SLC5A1: variants seen among roughly 807,000 people sequenced by gnomAD.
The protein encoded by SLC5A1 is solute carrier family 5 member 1, also known as sodium/glucose cotransporter 1.
SLC5A1 carries 42 observed loss-of-function variants against 73.5 expected under a neutral mutation model. The ratio of observed to expected loss-of-function variants is 0.57; its 90% CI spans 0.45 to 0.74. SLC5A1 has a LOEUF of 0.74. Ranked by LOEUF, SLC5A1 falls within the 30% of genes least tolerant of loss-of-function variation. The probability of loss-of-function intolerance (pLI) is 0.00; values close to 1 mark genes in which losing one functional copy is unlikely to be tolerated. For synonymous variants in SLC5A1, 300 were observed against 317.4 expected, an observed-to-expected ratio of 0.95 and a Z score of 0.58; for missense variants, 634 against 855.4, an observed-to-expected ratio of 0.74 and a Z score of 3.23.
chr22:32,090,563 A>G (rs2094015483), intron 10 of SLC5A1, among the ~76,000 whole-genome samples: 1 of 152,046 alleles, frequency 6.6e-6, no homozygotes, highest in African/African-American at 2.4e-5. Flanking sequence ...TTATCCACTT[A>G]TCATTTGGTG....
chr22:32,082,208 T>G (rs12159428), intron 6 of SLC5A1, among the ~76,000 whole-genome samples: 11,539 of 152,140 alleles, frequency 0.076, 846 homozygotes, highest in African/African-American at 0.19. Flanking sequence ...CAGGAGTGCA[T>G]GCAGAGCTGG....
At chr22:32,099,578 A>G (rs1211836986) in intron 12 of SLC5A1, among the ~76,000 whole-genome samples, 1 of 151,830 alleles carries the variant, frequency 6.6e-6, no homozygotes, top group Non-Finnish European at 1.5e-5. Context: ...TCCTCTGTCC[A>G]AGATTAGATT....
rs2094059628 is a variant in SLC5A1 at position 32,112,772 on chromosome 22, G to A, written c.*2559G>A. 1 of 152,036 alleles carries A rather than the reference G, an allele frequency of 6.6e-6. No individual in the cohort carries two copies. Among genetic ancestry groups the A allele is most frequent in the Non-Finnish European group, 1.5e-5 (1 of 68,014 alleles). 9.4% of individuals were successfully genotyped at this position (152,036 alleles called of 1,614,324 possible). ...GGAGATGTTGGTCAAATGATACAAAGGTTTAGTTAGGTGGAATAAGTTCAG... is the reference window on the plus strand; with the variant it reads ...GGAGATGTTGGTCAAATGATACAAAAGTTTAGTTAGGTGGAATAAGTTCAG... On this transcript the variant is annotated 3_prime_UTR_variant, in exon 15 of 15. Transcript: ENST00000266088.
At chr22:32,095,665 A>G (rs1232858145) in intron 11 of SLC5A1, among the ~76,000 whole-genome samples, 1 of 152,200 alleles carries the variant, frequency 6.6e-6, no homozygotes, top group Non-Finnish European at 1.5e-5. Context: ...ATATAAGAAG[A>G]GCTACTTGTG....
intron 2 of SLC5A1, among the ~76,000 whole-genome samples, chr22:32,056,437 CTT>C (rs35843263): frequency 0.013 from 1,574 of 121,560 alleles, 40 homozygotes; most frequent in African/African-American, 0.045. Context: ...ACCTTCCTGT[CTT>C]TTTTTTTTTT....
chr22:32,060,489 C>T (rs2093960647), intron 2 of SLC5A1, among the ~76,000 whole-genome samples: 1 of 152,100 alleles, frequency 6.6e-6, no homozygotes, highest in Admixed American at 6.5e-5. Flanking sequence ...GCCACTGTGC[C>T]CAGCGGGTAA....
At chr22:32,049,197 ATATCTATATCTATATCTATATCTATATC>A (rs1402511128) in intron 1 of SLC5A1, among the ~76,000 whole-genome samples, 18 of 127,282 alleles carry the variant, frequency 1.4e-4, no homozygotes, top group Non-Finnish European at 2.8e-4. Context: ...ATCTATATCT[ATATCTATATCTATATCTATATCTATATC>A]TATATATATG....
chr22:32,078,282 C>CTT (rs201494049), intron 5 of SLC5A1, among the ~76,000 whole-genome samples: 6 of 151,056 alleles, frequency 4.0e-5, no homozygotes, highest in African/African-American at 1.5e-4. Flanking sequence ...ATTTGTTTTT[C>CTT]TTTTTTTTTG....
At chr22:32,059,186 A>G in intron 2 of SLC5A1, 1 of 984,864 alleles carries the variant, frequency 1.0e-6, no homozygotes, top group East Asian at 1.1e-4. Flanking sequence ...AGCCGAGATC[A>G]TGCCACTGCA....
chr22:32,058,742 C>A (rs1350471566), intron 2 of SLC5A1, among the ~76,000 whole-genome samples: 2 of 152,068 alleles, frequency 1.3e-5, no homozygotes, highest in South Asian at 4.1e-4. Context: ...GGTCAGTTCC[C>A]CTTATGGTCT....
At chr22:32,052,360 C>T (rs912012087) in intron 2 of SLC5A1, among the ~76,000 whole-genome samples, 8 of 152,116 alleles carry the variant, frequency 5.3e-5, no homozygotes, top group African/African-American at 1.7e-4. Flanking sequence ...CTGATTTTAT[C>T]GTTATGTTTC....
intron 2 of SLC5A1, among the ~76,000 whole-genome samples, chr22:32,065,163 T>A (rs1196971334): frequency 1.3e-5 from 2 of 152,098 alleles, no homozygotes; most frequent in Non-Finnish European, 2.9e-5. Flanking sequence ...CTCAGGCTGG[T>A]CTCCAACTCC....
At chr22:32,097,349 G>A (rs2094027926) in intron 11 of SLC5A1, among the ~76,000 whole-genome samples, 1 of 152,216 alleles carries the variant, frequency 6.6e-6, no homozygotes, top group South Asian at 2.1e-4. Context: ...ATATGGAAAA[G>A]GGGGACAGTG....
In SLC5A1 at chr22:32,106,213, T is replaced by A. The variant is rs116737091; in HGVS notation, c.1771+1322T>A. Reference sequence around the variant, plus strand: ...CTTTCATTCCCACCAACAGTGTACATCCTCACCAGCATTTGTTATTGCCTG... The same window carrying A: ...CTTTCATTCCCACCAACAGTGTACAACCTCACCAGCATTTGTTATTGCCTG... On this transcript the variant is annotated intron_variant, in intron 14 of 14. Coordinates refer to ENST00000266088, the MANE Select transcript of SLC5A1 (RefSeq NM_000343.4). Among the ~76,000 whole-genome samples, 1,172 of 152,330 alleles carry A rather than the reference T, an allele frequency of 7.7e-3. 15 individuals carry two copies. Among genetic ancestry groups the A allele is most frequent in the African/African-American group, 0.027 (1,104 of 41,568 alleles).
At chr22:32,086,153 A>AT in intron 9 of SLC5A1, 67 bp from the exon 10 acceptor site, 2 of 1,012,232 alleles carry the variant, frequency 2.0e-6, no homozygotes, top group Admixed American at 1.7e-5. Context: ...AAAAAAAAAA[A>AT]GAAGGTGAAT....
chr22:32,097,407 T>C (rs1431169327), intron 11 of SLC5A1, among the ~76,000 whole-genome samples: 1 of 152,206 alleles, frequency 6.6e-6, no homozygotes, highest in African/African-American at 2.4e-5. Context: ...CATTGCTTTG[T>C]GGAGGTCAAT....
Position 32,096,894 on chromosome 22 carries a change from A to T in SLC5A1, c.1281-2289A>T, listed in dbSNP as rs116857044. 5.1e-4 allele frequency among the ~76,000 whole-genome samples: 78 copies of T among 152,304 alleles called. 1 individual carries two copies. The East Asian group carries it at 0.014, about 28-fold the overall frequency. On this transcript the variant is annotated intron_variant, in intron 11 of 14. Coordinates refer to ENST00000266088, the MANE Select transcript of SLC5A1 (RefSeq NM_000343.4). ...TTGGAATGAACGAAGCAAAGCAAAC[A>T]TGGTAGGCCACTTTCAATTGACAAG...
At chr22:32,104,435 G>A (rs2094041514) in intron 13 of SLC5A1, among the ~76,000 whole-genome samples, 1 of 152,124 alleles carries the variant, frequency 6.6e-6, no homozygotes, top group African/African-American at 2.4e-5. Flanking sequence ...CTCCTAACCT[G>A]GACAAATGGT....
intron 2 of SLC5A1, among the ~76,000 whole-genome samples, chr22:32,050,283 C>T (rs2093943547): frequency 1.3e-5 from 2 of 152,110 alleles, no homozygotes; most frequent in South Asian, 4.1e-4. Flanking sequence ...AATCCATAAC[C>T]AGAATATTAG....
Sources: allele counts gnomAD v4.1 joint callset (sites outside exome capture counted in the v4.1 genomes callset), GRCh38; gene constraint gnomAD v4.1.1; transcripts MANE v1.5; gene names NCBI Gene and HGNC (gene_info 2026-07-23, HGNC 2026-07-21).